Variants in TRPC7 observed in about 807,000 individuals in gnomAD.
TRPC7 encodes transient receptor potential cation channel subfamily C member 7.
Under a neutral mutation model 90.1 loss-of-function variants are expected in TRPC7, and 42 were observed. The observed-to-expected ratio is 0.47, with a 90% CI of 0.36 to 0.60. The LOEUF is 0.60. Ranked by LOEUF, TRPC7 falls within the 20% of genes least tolerant of loss-of-function variation. The pLI is 0.00. For missense variants in TRPC7, 955 were observed against 1,112.3 expected (o/e 0.86, Z 2.01); for synonymous variants, 451 against 436.3 (o/e 1.03, Z -0.42).
At chr5:136,245,756 T>C (rs967971330) in intron 7 of TRPC7, among the ~76,000 whole-genome samples, 1 of 152,174 alleles carries the variant, frequency 6.6e-6, no homozygotes, top group Non-Finnish European at 1.5e-5. Context: ...GGGCAGGACA[T>C]GGACTGGAAA....
intron 2 of TRPC7, among the ~76,000 whole-genome samples, chr5:136,339,208 T>C (rs1759762618): frequency 1.3e-5 from 2 of 152,204 alleles, no homozygotes; most frequent in Non-Finnish European, 2.9e-5. Flanking sequence ...TTCCTGGGTA[T>C]AAGCTAAGCC....
chr5:136,349,898 T>C (rs1334526936), intron 2 of TRPC7, among the ~76,000 whole-genome samples: 1 of 152,230 alleles, frequency 6.6e-6, no homozygotes, highest in African/African-American at 2.4e-5. Context: ...TACAGGTATA[T>C]CATTAAAAAT....
At chr5:136,240,177 A>G (rs530408488) in intron 7 of TRPC7, among the ~76,000 whole-genome samples, 18 of 152,310 alleles carry the variant, frequency 1.2e-4, no homozygotes, top group Admixed American at 8.5e-4. Context: ...TGCCTTGCAC[A>G]TGCCAGAGTG....
intron 3 of TRPC7, among the ~76,000 whole-genome samples, chr5:136,284,040 A>C (rs1191266542): frequency 6.6e-6 from 1 of 152,198 alleles, no homozygotes; most frequent in Admixed American, 6.5e-5. Context: ...TCTGCCATCC[A>C]AGGCTTCAGT....
At chr5:136,218,114 T>C (rs1255865366) in intron 10 of TRPC7, among the ~76,000 whole-genome samples, 1 of 143,894 alleles carries the variant, frequency 6.9e-6, no homozygotes, top group Non-Finnish European at 1.5e-5. Context: ...ATATTTGAGA[T>C]ATATTATATA....
At chr5:136,301,345 TTTTTTTTTTTTTTTTA>T (rs1434120718) in intron 3 of TRPC7, among the ~76,000 whole-genome samples, 4 of 120,992 alleles carry the variant, frequency 3.3e-5, no homozygotes, top group African/African-American at 1.3e-4. Flanking sequence ...TTTTTTTTTT[TTTTTTTTTTTTTTTTA>T]ACAAATCATA....
intron 6 of TRPC7, among the ~76,000 whole-genome samples, chr5:136,249,543 T>C (rs1024139049): frequency 1.3e-5 from 2 of 152,230 alleles, no homozygotes; most frequent in African/African-American, 4.8e-5. Flanking sequence ...GAATTCTTTT[T>C]TTCTGCGGCC....
At chr5:136,292,476 C>A (rs1331307316) in intron 3 of TRPC7, among the ~76,000 whole-genome samples, 5 of 150,716 alleles carry the variant, frequency 3.3e-5, no homozygotes, top group African/African-American at 9.8e-5. Flanking sequence ...CCACTGATCC[C>A]ACAGAAATAC....
chr5:136,276,758 A>G (rs560882584), intron 3 of TRPC7, among the ~76,000 whole-genome samples: 1 of 152,352 alleles, frequency 6.6e-6, no homozygotes, highest in Admixed American at 6.5e-5. Context: ...GCTGCAGGTC[A>G]TAAGACATCC....
chr5:136,301,893 C>T (rs1360489162), intron 3 of TRPC7, among the ~76,000 whole-genome samples: 1 of 152,238 alleles, frequency 6.6e-6, no homozygotes, highest in African/African-American at 2.4e-5. Flanking sequence ...CCCCGTCTTC[C>T]TGCTCTTTGC....
At chr5:136,332,748 A>C (rs1759538107) in intron 2 of TRPC7, among the ~76,000 whole-genome samples, 1 of 152,222 alleles carries the variant, frequency 6.6e-6, no homozygotes, top group South Asian at 2.1e-4. Context: ...TAAAACATGC[A>C]CTAGGAGAGG....
intron 1 of TRPC7, among the ~76,000 whole-genome samples, chr5:136,361,717 C>T (rs1162290269): frequency 6.6e-6 from 1 of 152,144 alleles, no homozygotes; most frequent in African/African-American, 2.4e-5. Flanking sequence ...TATTCCCCAA[C>T]TGGATATAGA....
At chr5:136,226,665 G>C (rs1199855175) in intron 8 of TRPC7, among the ~76,000 whole-genome samples, 2 of 152,188 alleles carry the variant, frequency 1.3e-5, no homozygotes, top group Non-Finnish European at 2.9e-5. Context: ...CTCTAAAGAA[G>C]TGCTGCTCAC....
chr5:136,317,999 A>G lies in TRPC7; in HGVS notation c.781-2220T>C, dbSNP rs566573049. On this transcript the variant is annotated intron_variant, in intron 2 of 11. Transcript: ENST00000513104. ...AGGCAACAGAGCAGCCAAAGCAGGT[A>G]ATTTGCATTTTTCCTTCTGCATTAG... Among the ~76,000 whole-genome samples, 26 of 152,270 alleles carry G rather than the reference A, an allele frequency of 1.7e-4. No homozygotes were observed. In the Middle Eastern group the frequency reaches 0.014, roughly 80 times the overall value.
intron 3 of TRPC7, among the ~76,000 whole-genome samples, chr5:136,292,578 C>A (rs574133776): frequency 6.6e-6 from 1 of 152,184 alleles, no homozygotes; most frequent in Non-Finnish European, 1.5e-5. Flanking sequence ...CATACACCCT[C>A]CCAAGACTAA....
intron 3 of TRPC7, among the ~76,000 whole-genome samples, chr5:136,302,635 C>A (rs1039696190): frequency 6.6e-6 from 1 of 152,164 alleles, no homozygotes; most frequent in African/African-American, 2.4e-5. Context: ...TCAACTCTCA[C>A]CTGACCTAAA....
chr5:136,260,455 C>A (rs146606659), intron 5 of TRPC7, among the ~76,000 whole-genome samples: 4 of 152,136 alleles, frequency 2.6e-5, no homozygotes, highest in African/African-American at 9.6e-5. Flanking sequence ...AGGGAGTGAG[C>A]CATGTAGATC....
intron 3 of TRPC7, among the ~76,000 whole-genome samples, chr5:136,297,506 T>C (rs1758223841): frequency 1.3e-5 from 2 of 152,136 alleles, no homozygotes; most frequent in South Asian, 4.1e-4. Flanking sequence ...AAGTATGTAA[T>C]AGCTATAAAA....
At chr5:136,228,553 G>A (rs1272772526) in intron 8 of TRPC7, among the ~76,000 whole-genome samples, 5 of 151,620 alleles carry the variant, frequency 3.3e-5, no homozygotes, top group African/African-American at 4.9e-5. Context: ...GGCTGCTGGG[G>A]AGGCGGGATG....
Sources: gnomAD v4.1 joint callset for allele counts (sites outside exome capture counted in the v4.1 genomes callset) on GRCh38, gnomAD v4.1.1 for gene constraint, MANE v1.5 for transcripts, NCBI Gene and HGNC (gene_info 2026-07-23, HGNC 2026-07-21) for gene names.